Variants in CTNNA3 observed in about 807,000 individuals in gnomAD.
The protein encoded by CTNNA3 is catenin alpha 3, also known as catenin alpha-3.
In CTNNA3, 76 loss-of-function variants were observed where a neutral mutation model predicts 95.7. The ratio of observed to expected loss-of-function variants is 0.79; its 90% CI spans 0.66 to 0.96. The LOEUF (loss-of-function observed/expected upper bound fraction) is 0.96. CTNNA3 is among the 40% of genes least tolerant of loss of function. The pLI is 0.00. For synonymous variants in CTNNA3, 431 were observed against 374.4 expected (o/e 1.15, Z -1.74); for missense variants, 1,191 against 1,089.8 (o/e 1.09, Z -1.31).
chr10:65,957,444 G>T (rs966083111), intron 17 of CTNNA3, among the ~76,000 whole-genome samples: 5 of 152,156 alleles, frequency 3.3e-5, no homozygotes, highest in Admixed American at 6.5e-5. Flanking sequence ...GATGTTAGCT[G>T]GTTATTTTGC....
At chr10:66,502,698 C>T (rs1384503949) in intron 11 of CTNNA3, among the ~76,000 whole-genome samples, 4 of 151,936 alleles carry the variant, frequency 2.6e-5, no homozygotes, top group African/African-American at 2.4e-5. Context: ...GTGTTTGCTG[C>T]TATTTGCTCA....
In CTNNA3 at chr10:65,973,883, T is replaced by G. The variant is rs547147868; in HGVS notation, c.2266-7137A>C. 2.6e-5 allele frequency among the ~76,000 whole-genome samples: 4 copies of G among 152,160 alleles called. No individual in the cohort carries two copies. In the South Asian group the frequency reaches 6.2e-4, roughly 24 times the overall value. On this transcript the variant is annotated intron_variant, in intron 16 of 17. Transcript: ENST00000433211. ...CAGGCCCCACCTCCAACATTGGGGA[T>G]TGCATTTCAACATGAGATTTGGGAA...
At chr10:67,319,409 A>T (rs564191602) in intron 5 of CTNNA3, among the ~76,000 whole-genome samples, 2 of 152,328 alleles carry the variant, frequency 1.3e-5, no homozygotes, top group South Asian at 4.1e-4. Flanking sequence ...CCAACCCGGT[A>T]GCACACTAAA....
chr10:66,661,947 A>C lies in CTNNA3; in HGVS notation c.1282-40163T>G, dbSNP rs75704854. ...TTCAGCTCACAGTTAGTTTGTAAAA[A>C]TTTCATGCAGCTTCAAAAAGTCTGG... On this transcript the variant is annotated intron_variant, in intron 9 of 17. Transcript: ENST00000433211. Among the ~76,000 whole-genome samples, 952 of 152,282 alleles carry C rather than the reference A, an allele frequency of 6.3e-3. 15 individuals are homozygous for C. The highest frequency in any genetic ancestry group is 0.021 in the African/African-American group (873 of 41,566).
At chr10:67,559,339 C>T (rs894621086) in intron 3 of CTNNA3, among the ~76,000 whole-genome samples, 7 of 152,150 alleles carry the variant, frequency 4.6e-5, no homozygotes, top group East Asian at 1.9e-4. Context: ...CACGAAAATA[C>T]GCTGTTCTGC....
intron 11 of CTNNA3, among the ~76,000 whole-genome samples, chr10:66,452,987 A>G (rs2093474243): frequency 6.6e-6 from 1 of 152,098 alleles, no homozygotes; most frequent in African/African-American, 2.4e-5. Flanking sequence ...AGGCTGAGGC[A>G]GGCGGATCAC....
chr10:66,816,738 T>A (rs1214049046), intron 7 of CTNNA3, among the ~76,000 whole-genome samples: 1 of 151,962 alleles, frequency 6.6e-6, no homozygotes, highest in Non-Finnish European at 1.5e-5. Flanking sequence ...CTTCCCAAAT[T>A]CACATGAAAC....
chr10:66,766,079 A>G, intron 9 of CTNNA3, 185 bp downstream of exon 9: 1 of 468,018 alleles, frequency 2.1e-6, no homozygotes, highest in Admixed American at 3.4e-5. Context: ...TTTAAAAAAT[A>G]AGACAAGCCA....
At chr10:66,816,942 A>T (rs1842111205) in intron 7 of CTNNA3, among the ~76,000 whole-genome samples, 1 of 152,098 alleles carries the variant, frequency 6.6e-6, no homozygotes. Flanking sequence ...AAGAATAAAT[A>T]TCAAGAGACA....
chr10:66,863,218 CAT>C lies in CTNNA3; in HGVS notation c.1048-87696_1048-87695del, dbSNP rs1473248505. ...ACACACACACACACACACGCACACA[CAT>C]ATATATATATAATACAATATATAAT... On this transcript the variant is annotated intron_variant, in intron 7 of 17. Transcript: ENST00000433211. Among the ~76,000 whole-genome samples, 893 of 150,716 alleles carry C rather than the reference CAT, an allele frequency of 5.9e-3. 8 individuals are homozygous for C. Among genetic ancestry groups the C allele is most frequent in the African/African-American group, 0.02 (822 of 41,156 alleles).
chr10:67,586,463 A>G (rs1034165582), intron 3 of CTNNA3, among the ~76,000 whole-genome samples: 1 of 152,082 alleles, frequency 6.6e-6, no homozygotes, highest in Non-Finnish European at 1.5e-5. Context: ...AGATCTAGTC[A>G]TATTTGTTTT....
chr10:67,048,707 A>G (rs896524527), intron 7 of CTNNA3, among the ~76,000 whole-genome samples: 2 of 152,104 alleles, frequency 1.3e-5, no homozygotes, highest in African/African-American at 4.8e-5. Flanking sequence ...ATCAAAGTTC[A>G]AAAACAGGTA....
intron 10 of CTNNA3, among the ~76,000 whole-genome samples, chr10:66,538,633 T>C (rs1236786003): frequency 6.6e-6 from 1 of 152,166 alleles, no homozygotes; most frequent in African/African-American, 2.4e-5. Flanking sequence ...GACGAACCTT[T>C]TAAATAATTA....
At chr10:67,320,577 A>T (rs548685027) in intron 5 of CTNNA3, among the ~76,000 whole-genome samples, 2 of 152,310 alleles carry the variant, frequency 1.3e-5, no homozygotes, top group East Asian at 3.9e-4. Context: ...ACTAAATTTC[A>T]TGCTGGGTAC....
intron 1 of CTNNA3, among the ~76,000 whole-genome samples, chr10:67,694,867 T>G (rs1840934092): frequency 6.6e-6 from 1 of 152,172 alleles, no homozygotes; most frequent in African/African-American, 2.4e-5. Flanking sequence ...GAAAAAAAGT[T>G]TTACCAATCT....
rs191941552 is a variant in CTNNA3, at chr10:66,775,018, G to A, written c.1128+426C>T. 1.3e-3 allele frequency among the ~76,000 whole-genome samples: 199 copies of A among 152,252 alleles called. 1 individual carries two copies. Among genetic ancestry groups the A allele is most frequent in the Non-Finnish European group, 2.2e-3 (149 of 68,008 alleles). ...GTTAATCATTTGGATTTAAGCATTTGGATGATGAACTCTGATGTAATACAA... is the reference window on the plus strand; with the variant it reads ...GTTAATCATTTGGATTTAAGCATTTAGATGATGAACTCTGATGTAATACAA... On this transcript the variant is annotated intron_variant, in intron 8 of 17. Coordinates refer to ENST00000433211, the MANE Select transcript of CTNNA3 (RefSeq NM_013266.4).
chr10:66,504,149 A>C lies in CTNNA3; in HGVS notation c.1531+16468T>G, dbSNP rs993170006. Among the ~76,000 whole-genome samples, 9 of 152,228 alleles carry C rather than the reference A, an allele frequency of 5.9e-5. No individual in the cohort carries two copies. The South Asian group carries it at 1.0e-3, about 18-fold the overall frequency. On this transcript the variant is annotated intron_variant, in intron 11 of 17. Coordinates refer to ENST00000433211, the MANE Select transcript of CTNNA3 (RefSeq NM_013266.4). ...GCTTGTTGTATAATAGATCTCTTGA[A>C]CTTATTCCTCCCATTTAACTGAAAT...
intron 9 of CTNNA3, among the ~76,000 whole-genome samples, chr10:66,729,210 A>T (rs965572267): frequency 2.6e-5 from 4 of 152,246 alleles, no homozygotes; most frequent in Admixed American, 2.0e-4. Flanking sequence ...ACAGCTCAAC[A>T]TCACTGATCA....
intron 7 of CTNNA3, among the ~76,000 whole-genome samples, chr10:66,959,703 G>A (rs1849013461): frequency 6.6e-6 from 1 of 152,148 alleles, no homozygotes; most frequent in African/African-American, 2.4e-5. Flanking sequence ...GTCCCTCATT[G>A]CAATCTCTAA....
Sources: allele counts gnomAD v4.1 joint callset (sites outside exome capture counted in the v4.1 genomes callset), GRCh38; gene constraint gnomAD v4.1.1; transcripts MANE v1.5; gene names NCBI Gene and HGNC (gene_info 2026-07-23, HGNC 2026-07-21).